CTNNA3: variants seen among roughly 807,000 people sequenced by gnomAD.
The protein encoded by CTNNA3 is catenin alpha 3.
CTNNA3 carries 76 observed loss-of-function variants against 95.7 expected under a neutral mutation model. The observed-to-expected ratio is 0.79, with a 90% CI of 0.66 to 0.96. The LOEUF (loss-of-function observed/expected upper bound fraction) is 0.96. CTNNA3 is among the 40% of genes least tolerant of loss of function. CTNNA3 has a pLI of 0.00. For synonymous variants in CTNNA3, 431 were observed against 374.4 expected, an observed-to-expected ratio of 1.15 and a Z score of -1.74; for missense variants, 1,191 against 1,089.8, an observed-to-expected ratio of 1.09 and a Z score of -1.31.
intron 15 of CTNNA3, among the ~76,000 whole-genome samples, chr10:66,024,144 CAG>C (rs2079288028): frequency 7.9e-6 from 1 of 126,990 alleles, no homozygotes; most frequent in East Asian, 2.6e-4. Context: ...GGCTGGAGTG[CAG>C]CGGCACAATC....
At chr10:66,350,591 A>G (rs34872438) in intron 12 of CTNNA3, among the ~76,000 whole-genome samples, 24,493 of 144,806 alleles carry the variant, frequency 0.17, 2,258 homozygotes, top group South Asian at 0.31. Flanking sequence ...AAATGATGGG[A>G]AATTGGAAAG....
chr10:67,583,123 G>C (rs372391464), intron 3 of CTNNA3, among the ~76,000 whole-genome samples: 2 of 151,992 alleles, frequency 1.3e-5, no homozygotes, highest in African/African-American at 2.4e-5. Context: ...TAGTTATTTT[G>C]CTCATTAGTT....
intron 7 of CTNNA3, among the ~76,000 whole-genome samples, chr10:67,161,661 A>C (rs948516197): frequency 1.2e-4 from 19 of 152,050 alleles, no homozygotes; most frequent in African/African-American, 4.3e-4. Flanking sequence ...GGATAGGTAG[A>C]TAGATTAGAC....
chr10:66,685,232 T>C, intron 9 of CTNNA3, among the ~76,000 whole-genome samples: 1 of 141,186 alleles, frequency 7.1e-6, no homozygotes, highest in East Asian at 2.0e-4. Context: ...TATATATACG[T>C]ATATATGTGT....
intron 12 of CTNNA3, among the ~76,000 whole-genome samples, chr10:66,301,171 G>C (rs2091857873): frequency 6.6e-6 from 1 of 151,916 alleles, no homozygotes. Flanking sequence ...GAGGAGATTG[G>C]ATCAATAATT....
chr10:67,408,359 A>G (rs796565189), intron 5 of CTNNA3, among the ~76,000 whole-genome samples: 21 of 152,314 alleles, frequency 1.4e-4, no homozygotes, highest in African/African-American at 4.8e-4. Flanking sequence ...CAGTAACCCA[A>G]ACAGCACAGT....
intron 5 of CTNNA3, among the ~76,000 whole-genome samples, chr10:67,465,657 C>T (rs918016310): frequency 6.6e-6 from 1 of 152,146 alleles, no homozygotes; most frequent in Non-Finnish European, 1.5e-5. Flanking sequence ...TTATAACTCA[C>T]ATGGAGGTCA....
At position 67,112,132 on chromosome 10, in the gene CTNNA3, A is replaced by G. The variant is rs566079747; in HGVS notation, c.1047+68185T>C. Among the ~76,000 whole-genome samples, 4 of 152,238 alleles carry G rather than the reference A, an allele frequency of 2.6e-5. No individual in the cohort carries two copies. The East Asian group carries it at 5.8e-4, about 22-fold the overall frequency. The stretch of plus-strand genomic sequence containing the variant: ...ATAATGAACAACTGATTTATTTATA[A>G]CTGGTCATTATGATAATACACCTTC... On this transcript the variant is annotated intron_variant, in intron 7 of 17. Transcript: ENST00000433211.
At chr10:66,514,685 C>A (rs1803602404) in intron 11 of CTNNA3, among the ~76,000 whole-genome samples, 1 of 152,128 alleles carries the variant, frequency 6.6e-6, no homozygotes, top group Non-Finnish European at 1.5e-5. Context: ...TGGGATTTAG[C>A]ACTCATAATT....
At chr10:67,600,235 G>A (rs963827571) in intron 3 of CTNNA3, among the ~76,000 whole-genome samples, 2 of 151,808 alleles carry the variant, frequency 1.3e-5, no homozygotes, top group Non-Finnish European at 2.9e-5. Flanking sequence ...TTTATTCCCA[G>A]GTAGATTATA....
intron 12 of CTNNA3, among the ~76,000 whole-genome samples, chr10:66,377,145 T>G (rs1392922649): frequency 6.6e-6 from 1 of 152,102 alleles, no homozygotes; most frequent in Non-Finnish European, 1.5e-5. Context: ...AATGGAAAGC[T>G]TTTTCAAAGA....
intron 3 of CTNNA3, among the ~76,000 whole-genome samples, chr10:67,566,999 C>T (rs554003386): frequency 0.018 from 2,177 of 121,844 alleles, 21 homozygotes; most frequent in Middle Eastern, 0.045. Context: ...GAAAGGGGAA[C>T]ATCACACTCT....
intron 8 of CTNNA3, among the ~76,000 whole-genome samples, chr10:66,773,384 C>A (rs116545138): frequency 9.9e-5 from 15 of 152,242 alleles, no homozygotes; most frequent in African/African-American, 3.6e-4. Flanking sequence ...TGTCAGCTTC[C>A]GTCTCCCTTT....
chr10:67,306,158 T>C (rs1840545060), intron 5 of CTNNA3, among the ~76,000 whole-genome samples: 1 of 151,986 alleles, frequency 6.6e-6, no homozygotes, highest in Non-Finnish European at 1.5e-5. Context: ...AAAGAACTGA[T>C]AGCAAAAAAA....
intron 7 of CTNNA3, among the ~76,000 whole-genome samples, chr10:66,896,152 T>C (rs1037917739): frequency 1.7e-4 from 26 of 152,122 alleles, no homozygotes; most frequent in African/African-American, 6.0e-4. Context: ...ATGCATACAA[T>C]AGGAACAAGT....
At chr10:66,466,142 G>C (rs1838902403) in intron 11 of CTNNA3, among the ~76,000 whole-genome samples, 1 of 151,846 alleles carries the variant, frequency 6.6e-6, no homozygotes, top group South Asian at 2.1e-4. Flanking sequence ...ACATCCCCAA[G>C]GAAGAGAAAT....
intron 1 of CTNNA3, 73 bp from the exon 2 acceptor site, chr10:67,647,591 T>C (rs1445371667): frequency 7.3e-6 from 9 of 1,232,870 alleles, no homozygotes; most frequent in East Asian, 2.4e-5. Flanking sequence ...TATGAAATCA[T>C]GGAATAGGTA....
chr10:66,358,038 C>T lies in CTNNA3; in HGVS notation c.1732+21114G>A, dbSNP rs115778009. On this transcript the variant is annotated intron_variant, in intron 12 of 17. Transcript: ENST00000433211. ...AGTTCATTAAATGTATGTGCATAGA[C>T]GTGTTTGTAGTATTTTATTATTATC... is the stretch of plus-strand genomic sequence containing the variant. Among the ~76,000 whole-genome samples, 1,371 of 152,194 alleles carry T rather than the reference C, an allele frequency of 9.0e-3. 18 individuals carry two copies. The highest frequency in any genetic ancestry group is 0.031 in the African/African-American group (1,306 of 41,508).
chr10:66,630,061 A>G lies in CTNNA3; in HGVS notation c.1282-8277T>C, dbSNP rs572338108. On this transcript the variant is annotated intron_variant, in intron 9 of 17. Coordinates refer to ENST00000433211, the MANE Select transcript of CTNNA3 (RefSeq NM_013266.4). ...TAGCATACATTTCCCCAGATTTATA[A>G]AAGCAGGGACCACCCCTGTATTTGC... Among the ~76,000 whole-genome samples, 14 of 152,264 alleles carry G rather than the reference A, an allele frequency of 9.2e-5. 1 individual carries two copies. In the East Asian group the frequency reaches 1.5e-3, roughly 17 times the overall value.
Sources: gnomAD v4.1 joint callset for allele counts (sites outside exome capture counted in the v4.1 genomes callset) on GRCh38, gnomAD v4.1.1 for gene constraint, MANE v1.5 for transcripts, NCBI Gene and HGNC (gene_info 2026-07-23, HGNC 2026-07-21) for gene names.